The following EPYC variants were observed in gnomAD, a reference collection of about 807,000 sequenced individuals.
The protein encoded by EPYC is epiphycan.
In EPYC, 28 loss-of-function variants were observed where a neutral mutation model predicts 30.1. The ratio of observed to expected loss-of-function variants is 0.93; its 90% CI spans 0.69 to 1.28. EPYC has a LOEUF of 1.28. EPYC is among the 50% of genes most tolerant of loss of function. The pLI, the probability that EPYC is intolerant of heterozygous loss-of-function variation, is 0.00. For missense variants in EPYC, 382 were observed against 383.5 expected, an observed-to-expected ratio of 1.00 and a Z score of 0.03; for synonymous variants, 144 against 141.4, an observed-to-expected ratio of 1.02 and a Z score of -0.13.
intron 2 of EPYC, among the ~76,000 whole-genome samples, chr12:90,983,256 T>C (rs1341497188): frequency 6.6e-6 from 1 of 152,168 alleles, no homozygotes; most frequent in Non-Finnish European, 1.5e-5. Flanking sequence ...AAGCAAAGGC[T>C]ACCATGAGAT....
chr12:90,972,675 C>G (rs1399262550), intron 4 of EPYC, 147 bp downstream of exon 4: 1 of 685,780 alleles, frequency 1.5e-6, no homozygotes, highest in Non-Finnish European at 2.3e-6. Context: ...TTAAAGCAAA[C>G]TCTCAAATTT....
At chr12:90,996,533 C>G (rs1037584332) in intron 2 of EPYC, among the ~76,000 whole-genome samples, 5 of 151,902 alleles carry the variant, frequency 3.3e-5, no homozygotes, top group Admixed American at 1.3e-4. Context: ...TTAATTGATA[C>G]AACTGCCCTT....
At chr12:90,993,672 A>G (rs1877636427) in intron 2 of EPYC, among the ~76,000 whole-genome samples, 3 of 151,594 alleles carry the variant, frequency 2.0e-5, no homozygotes, top group African/African-American at 7.3e-5. Context: ...TGTATTTGTC[A>G]CCTCATAACA....
chr12:90,992,679 C>T (rs982811687), intron 2 of EPYC, among the ~76,000 whole-genome samples: 3 of 152,098 alleles, frequency 2.0e-5, no homozygotes, highest in African/African-American at 4.8e-5. Context: ...TGCCAGAAAA[C>T]GGAAAGATCT....
At chr12:90,976,052 A>G (rs1877169968) in intron 3 of EPYC, among the ~76,000 whole-genome samples, 2 of 152,240 alleles carry the variant, frequency 1.3e-5, no homozygotes, top group East Asian at 1.9e-4. Flanking sequence ...GTTAATGTAG[A>G]TAAAACAATT....
intron 6 of EPYC, among the ~76,000 whole-genome samples, chr12:90,965,277 C>A (rs1332446841): frequency 6.6e-6 from 1 of 152,068 alleles, no homozygotes; most frequent in Non-Finnish European, 1.5e-5. Context: ...TGAATTATTT[C>A]CAAATCCAAA....
chr12:90,994,370 C>T (rs1877652771), intron 2 of EPYC, among the ~76,000 whole-genome samples: 3 of 152,140 alleles, frequency 2.0e-5, no homozygotes, highest in Admixed American at 2.0e-4. Context: ...AAACAGCTAA[C>T]ATGTTTATCT....
chr12:90,990,076 G>C (rs546985028), intron 2 of EPYC, among the ~76,000 whole-genome samples: 94 of 152,088 alleles, frequency 6.2e-4, no homozygotes, highest in Admixed American at 7.9e-4. Flanking sequence ...TGGGAGGAGG[G>C]GAGCGAGTCA....
At chr12:90,990,754 T>C (rs1877564282) in intron 2 of EPYC, among the ~76,000 whole-genome samples, 2 of 152,122 alleles carry the variant, frequency 1.3e-5, no homozygotes, top group Non-Finnish European at 2.9e-5. Context: ...ATCGAACTCT[T>C]TAAATATATT....
chr12:90,990,487 C>T (rs1877557299), intron 2 of EPYC, among the ~76,000 whole-genome samples: 1 of 152,118 alleles, frequency 6.6e-6, no homozygotes, highest in African/African-American at 2.4e-5. Flanking sequence ...TCCAGTATCA[C>T]TGGCAAATTC....
Position 91,002,492 on chromosome 12 carries a change from G to T in EPYC, c.74C>A (p.Ser25Tyr), listed in dbSNP as rs142841602. 23 of 1,613,206 alleles carry T rather than the reference G, an allele frequency of 1.4e-5. No homozygotes were observed. The African/African-American group carries it at 2.9e-4, about 21-fold the overall frequency. The stretch of plus-strand genomic sequence containing the variant: ...ATAGGTTTCTGAGTCATAGTTGATG[G>T]ACTCTAGAGTTGGGGCAGTCACAGC... ...DAAVTAPTLE[S>Y]INYDSETYDA... Residue 25 changes from serine (S) to tyrosine (Y), a missense_variant, in exon 2 of 7, where the codon TCC becomes TAC. Coordinates refer to ENST00000261172, the MANE Select transcript of EPYC (RefSeq NM_004950.5).
intron 6 of EPYC, among the ~76,000 whole-genome samples, chr12:90,968,114 C>T (rs1876946192): frequency 6.6e-6 from 1 of 152,054 alleles, no homozygotes; most frequent in African/African-American, 2.4e-5. Flanking sequence ...TGTTTATAAT[C>T]ATGTATGTAT....
Position 90,972,982 on chromosome 12 carries a change from T to C in EPYC, c.341-2A>G. ...TACACAAAAGACAGGTTGGAAAGTCTAAAAGATAAAGGAAAATAAAATTAA... is the reference window on the plus strand; with the variant it reads ...TACACAAAAGACAGGTTGGAAAGTCCAAAAGATAAAGGAAAATAAAATTAA... On this transcript the variant is annotated splice_acceptor_variant, in intron 3 of 6. Coordinates refer to ENST00000261172, the MANE Select transcript of EPYC (RefSeq NM_004950.5). LOFTEE classifies it high-confidence loss of function. 1 of 1,564,070 alleles carries C rather than the reference T, an allele frequency of 6.4e-7. No individual in the cohort carries two copies. The highest frequency in any genetic ancestry group is 8.7e-7 in the Non-Finnish European group (1 of 1,151,226).
intron 6 of EPYC, among the ~76,000 whole-genome samples, chr12:90,964,925 G>T (rs1876858237): frequency 6.6e-6 from 1 of 152,026 alleles, no homozygotes; most frequent in East Asian, 1.9e-4. Context: ...CCACTTAAAT[G>T]GTACAGTTCA....
chr12:90,974,038 T>A (rs11105891), intron 3 of EPYC, among the ~76,000 whole-genome samples: 6,961 of 140,400 alleles, frequency 0.05, 216 homozygotes, highest in South Asian at 0.093. Context: ...TTACACACAC[T>A]CACACACACA....
chr12:90,970,508 T>C (rs778023098), intron 5 of EPYC, among the ~76,000 whole-genome samples: 5 of 152,312 alleles, frequency 3.3e-5, no homozygotes, highest in Non-Finnish European at 7.4e-5. Flanking sequence ...AGCAAGCATT[T>C]CCTTTATTTT....
intron 4 of EPYC, chr12:90,972,563 T>C (rs1877078003): frequency 3.4e-6 from 1 of 293,966 alleles, no homozygotes; most frequent in South Asian, 6.8e-5. Flanking sequence ...ATGTACAATA[T>C]AATTATTTAT....
chr12:90,972,619 T>C, intron 4 of EPYC: 1 of 470,996 alleles, frequency 2.1e-6, no homozygotes, highest in Non-Finnish European at 3.8e-6. Context: ...ATCACCTATA[T>C]GGTTTTGAAA....
intron 6 of EPYC, among the ~76,000 whole-genome samples, chr12:90,967,093 A>G (rs1876916883): frequency 6.6e-6 from 1 of 151,910 alleles, no homozygotes; most frequent in Non-Finnish European, 1.5e-5. Flanking sequence ...TTATTTTTCT[A>G]TTATATATTT....
Sources: allele counts gnomAD v4.1 joint callset (sites outside exome capture counted in the v4.1 genomes callset), GRCh38; gene constraint gnomAD v4.1.1; transcripts MANE v1.5; gene names NCBI Gene and HGNC (gene_info 2026-07-23, HGNC 2026-07-21).